Variants in DAPK2 observed in about 807,000 individuals in gnomAD.
DAPK2 encodes the protein death associated protein kinase 2.
In DAPK2, 35 loss-of-function variants were observed where a neutral mutation model predicts 44.1. The observed-to-expected ratio is 0.79, with a 90% CI of 0.61 to 1.05. The LOEUF (loss-of-function observed/expected upper bound fraction) is 1.05. DAPK2 is among the 50% of genes least tolerant of loss of function. The pLI is 0.00. For synonymous variants in DAPK2, 174 were observed against 182.6 expected (o/e 0.95, Z 0.38); for missense variants, 453 against 483.2 (o/e 0.94, Z 0.59).
chr15:63,975,150 C>T (rs990884234), intron 2 of DAPK2, among the ~76,000 whole-genome samples: 4 of 152,068 alleles, frequency 2.6e-5, no homozygotes, highest in Non-Finnish European at 2.9e-5. Flanking sequence ...GCATGTGCTC[C>T]ACTGGGGCTG....
intron 1 of DAPK2, among the ~76,000 whole-genome samples, chr15:63,993,394 G>A (rs1407297140): frequency 2.6e-5 from 4 of 152,138 alleles, no homozygotes. Context: ...GGCTATGTGT[G>A]TCTGTGTATG....
intron 1 of DAPK2, among the ~76,000 whole-genome samples, chr15:64,023,941 G>C (rs1286156029): frequency 6.6e-6 from 1 of 152,158 alleles, no homozygotes; most frequent in Non-Finnish European, 1.5e-5. Flanking sequence ...GCAAAAGAGA[G>C]GCCTGGGGTC....
upstream of DAPK2, among the ~76,000 whole-genome samples, chr15:64,044,844 G>A (rs2080423857): frequency 6.6e-6 from 1 of 152,190 alleles, no homozygotes; most frequent in African/African-American, 2.4e-5. Context: ...GCAGGCAATG[G>A]TTGGGCAAAA....
chr15:64,019,894 A>G (rs1211020521), intron 1 of DAPK2, among the ~76,000 whole-genome samples: 1 of 152,214 alleles, frequency 6.6e-6, no homozygotes. Context: ...GTGAACTTCT[A>G]TCCTCTGAGT....
rs35739549 is a variant in DAPK2, at chr15:63,935,089, CTT to C, written c.583+4141_583+4142del. Among the ~76,000 whole-genome samples the C allele has an allele frequency of 3.3e-4, 41 of 124,468 alleles. 1 individual carries two copies. The highest frequency in any genetic ancestry group is 9.1e-5 in the African/African-American group (3 of 32,810). The allele number at this position is 124,468 out of a possible 152,430, so 81.7% of individuals were successfully genotyped here. A position where few individuals can be genotyped will look rare whatever the true frequency, so the allele number is the denominator to read the frequency against. ...TTTGTTTTTCTTAAATCTTTGCCTT[CTT>C]TTTTTTTTTTTTTTCCTGATACACG... On this transcript the variant is annotated intron_variant, in intron 4 of 10. Transcript: ENST00000261891.
At chr15:63,941,547 G>A (rs901023447) in intron 3 of DAPK2, among the ~76,000 whole-genome samples, 3 of 152,148 alleles carry the variant, frequency 2.0e-5, no homozygotes, top group African/African-American at 7.2e-5. Flanking sequence ...AGGTCCCCCT[G>A]GCTGCCTATG....
At chr15:64,040,147 C>T (rs775356958) in intron 1 of DAPK2, 23 bp downstream of exon 2, 3 of 1,595,782 alleles carry the variant, frequency 1.9e-6, no homozygotes, top group Non-Finnish European at 8.6e-7. Context: ...CGGCATCCCC[C>T]CACCTCTCAC....
At chr15:64,004,655 G>T (rs920168796) in intron 1 of DAPK2, among the ~76,000 whole-genome samples, 9 of 152,106 alleles carry the variant, frequency 5.9e-5, no homozygotes, top group Admixed American at 5.2e-4. Context: ...GGTTTGGTGG[G>T]GTCTTTCCCC....
chr15:63,932,429 G>A (rs530530966), intron 4 of DAPK2: 1 of 127,666 alleles, frequency 7.8e-6, no homozygotes, highest in East Asian at 2.2e-4. Flanking sequence ...TTGTGCCATC[G>A]CACTCCAGCC....
At chr15:63,933,321 G>A (rs796230112) in intron 4 of DAPK2, among the ~76,000 whole-genome samples, 24 of 152,126 alleles carry the variant, frequency 1.6e-4, no homozygotes, top group African/African-American at 4.8e-4. Context: ...TCGGCTCATC[G>A]CAACCTCCAC....
At chr15:64,045,982 A>AG (rs2080452372) in intron 1 of DAPK2, among the ~76,000 whole-genome samples, 1 of 152,190 alleles carries the variant, frequency 6.6e-6, no homozygotes, top group Admixed American at 6.5e-5. Context: ...TGCCCGTTCC[A>AG]GGGGGCCTAA....
chr15:64,008,302 T>G (rs149514963), intron 1 of DAPK2, among the ~76,000 whole-genome samples: 296 of 152,294 alleles, frequency 1.9e-3, no homozygotes, highest in Non-Finnish European at 3.2e-3. Flanking sequence ...ATGAAGCACT[T>G]TTCATATATT....
intron 1 of DAPK2, among the ~76,000 whole-genome samples, chr15:64,003,355 A>G (rs1595880312): frequency 6.6e-6 from 1 of 152,318 alleles, no homozygotes; most frequent in Admixed American, 6.5e-5. Flanking sequence ...ATTAGTGGGA[A>G]GGTTTAGCAA....
At chr15:64,002,954 G>GTGTCGTGGGACC (rs2079125977) in intron 1 of DAPK2, among the ~76,000 whole-genome samples, 7 of 128,592 alleles carry the variant, frequency 5.4e-5, no homozygotes, top group East Asian at 5.0e-4. Flanking sequence ...GTGTGTGTGT[G>GTGTCGTGGGACC]TGTGTGTGTG....
rs375958539 is a variant in DAPK2, at chr15:63,929,587, A to T, written c.633-10T>A. On this transcript the variant is annotated splice_polypyrimidine_tract_variant and intron_variant, in intron 5 of 10. Coordinates refer to ENST00000261891, the Ensembl canonical transcript of DAPK2. ...GATGACGCCTATGCTCCTGCAAAAT[A>T]AAGAACAGTCAAGTCAGGGCCACCT... is the stretch of plus-strand genomic sequence containing the variant. 2 of 1,614,052 alleles carry T rather than the reference A, an allele frequency of 1.2e-6. No individual in the cohort carries two copies. The highest frequency in any genetic ancestry group is 1.1e-5 in the South Asian group (1 of 91,078).
Position 63,983,529 on chromosome 15 carries a change from T to C in DAPK2, c.314+4A>G. On this transcript the variant is annotated splice_donor_region_variant and intron_variant, in intron 2 of 10. Coordinates refer to ENST00000261891, the Ensembl canonical transcript of DAPK2. Reference sequence around the variant, plus strand: ...ACCCTGTGGGTCCTGGGGACCCCACTCACAGCTCAAGGATGAGCACCACGT... The same window carrying C: ...ACCCTGTGGGTCCTGGGGACCCCACCCACAGCTCAAGGATGAGCACCACGT... 1.2e-6 allele frequency: 2 copies of C among 1,613,160 alleles called. No individual in the cohort carries two copies. Among genetic ancestry groups the C allele is most frequent in the South Asian group, 1.1e-5 (1 of 91,066 alleles).
At chr15:63,911,239 A>AAAG (rs1382702967) in intron 10 of DAPK2, 1 of 151,582 alleles carries the variant, frequency 6.6e-6, no homozygotes, top group Non-Finnish European at 1.5e-5. Flanking sequence ...AAAAAAAAAA[A>AAAG]AAAAGAAGAA....
intron 1 of DAPK2, among the ~76,000 whole-genome samples, chr15:63,994,910 G>A (rs970631686): frequency 3.9e-5 from 6 of 151,956 alleles, no homozygotes; most frequent in Non-Finnish European, 8.8e-5. Context: ...ATTTTTTAAT[G>A]TAAGTGAGAT....
intron 3 of DAPK2, among the ~76,000 whole-genome samples, chr15:63,947,577 C>G (rs1026219018): frequency 6.6e-6 from 1 of 152,194 alleles, no homozygotes; most frequent in Non-Finnish European, 1.5e-5. Flanking sequence ...TGACACTGGG[C>G]AAGTTATTGA....
Sources: allele counts gnomAD v4.1 joint callset (sites outside exome capture counted in the v4.1 genomes callset), GRCh38; gene constraint gnomAD v4.1.1; transcripts MANE v1.5; gene names NCBI Gene and HGNC (gene_info 2026-07-23, HGNC 2026-07-21).